Variants in TERF2 observed in about 807,000 individuals in gnomAD.
TERF2 encodes the protein telomeric repeat-binding factor 2.
TERF2 carries 16 observed loss-of-function variants against 56.1 expected under a neutral mutation model. That is an observed-to-expected ratio of 0.29 (90% confidence interval 0.19 to 0.43). TERF2 has a LOEUF of 0.43. Ranked by LOEUF, TERF2 falls within the 20% of genes least tolerant of loss-of-function variation. TERF2 has a pLI of 1.00. For missense variants in TERF2, 547 were observed against 712.9 expected (o/e 0.77, Z 2.65); for synonymous variants, 296 against 282.1 (o/e 1.05, Z -0.50).
chr16:69,380,058 C>T (rs901483316), intron 3 of TERF2, among the ~76,000 whole-genome samples: 1 of 151,924 alleles, frequency 6.6e-6, no homozygotes, highest in Non-Finnish European at 1.5e-5. Context: ...GGATTACAGG[C>T]TCGGGCCACA....
At position 69,367,103 on chromosome 16, in the gene TERF2, T is replaced by C; in HGVS notation, c.1044A>G (p.Ala348=). The C allele has an allele frequency of 6.2e-7, 1 of 1,614,220 alleles. No individual in the cohort carries two copies. Among genetic ancestry groups the C allele is most frequent in the East Asian group, 2.2e-5 (1 of 44,882 alleles). The change falls in exon 7 of 10, where the codon GCA becomes GCG. Residue 348 remains alanine, a synonymous_variant. Transcript: ENST00000254942. The stretch of plus-strand genomic sequence containing the variant: ...GAACCAGATCCTTCTGGTCCAGTTT[T>C]GCAAAGGCTGCCTCAGAATCCTGTG... The part of the protein sequence containing the change: ...SGAQDSEAAF[A]KLDQKDLVLP...
intron 3 of TERF2, among the ~76,000 whole-genome samples, chr16:69,377,030 A>G (rs983663615): frequency 6.6e-6 from 1 of 151,582 alleles, no homozygotes; most frequent in Non-Finnish European, 1.5e-5. Context: ...GTGAAACCCT[A>G]TCTCTACTAA....
At chr16:69,373,855 T>C (rs1379100678) in intron 3 of TERF2, among the ~76,000 whole-genome samples, 1 of 151,860 alleles carries the variant, frequency 6.6e-6, no homozygotes, top group Non-Finnish European at 1.5e-5. Flanking sequence ...AAAAGGAAAA[T>C]TGGTTCACAG....
At position 69,367,745 on chromosome 16, in the gene TERF2, T is replaced by C. The variant is rs891937993; in HGVS notation, c.948-546A>G. ...TGCAGGCCAAATCCATCTGGCAGCC[T>C]GTCTTGTTGTCTAACCAACATGAAA... is the stretch of plus-strand genomic sequence containing the variant. On this transcript the variant is annotated intron_variant, in intron 6 of 9. Coordinates refer to ENST00000254942, the MANE Select transcript of TERF2 (RefSeq NM_005652.5). 4.6e-5 allele frequency among the ~76,000 whole-genome samples: 7 copies of C among 152,340 alleles called. No individual in the cohort carries two copies. In the East Asian group the frequency reaches 1.3e-3, roughly 29 times the overall value.
chr16:69,366,625 G>T, intron 7 of TERF2, 182 bp downstream of exon 7: 1 of 756,068 alleles, frequency 1.3e-6, no homozygotes, highest in Non-Finnish European at 2.0e-6. Context: ...CACATGCGGG[G>T]CTTCAGAACC....
intron 8 of TERF2, 50 bp downstream of exon 8, chr16:69,361,354 C>A: frequency 7.6e-7 from 1 of 1,313,318 alleles, no homozygotes; most frequent in Non-Finnish European, 1.1e-6. Context: ...TAACACGCAT[C>A]TGTACTTCAG....
intron 3 of TERF2, among the ~76,000 whole-genome samples, chr16:69,381,005 A>G (rs1259518510): frequency 6.6e-6 from 1 of 151,848 alleles, no homozygotes; most frequent in East Asian, 1.9e-4. Flanking sequence ...AGGTTTCACT[A>G]TGTTGGCCAG....
chr16:69,364,231 C>G (rs752864350), intron 7 of TERF2, among the ~76,000 whole-genome samples: 3 of 152,132 alleles, frequency 2.0e-5, no homozygotes, highest in Non-Finnish European at 2.9e-5. Flanking sequence ...GTGACACTGC[C>G]AACCCTGCCT....
chr16:69,381,341 A>G (rs1288309801), intron 3 of TERF2, among the ~76,000 whole-genome samples: 1 of 152,168 alleles, frequency 6.6e-6, no homozygotes, highest in Non-Finnish European at 1.5e-5. Flanking sequence ...GTAATTTGTC[A>G]GTTGTTCTTC....
chr16:69,374,628 A>T (rs11267856), intron 3 of TERF2, among the ~76,000 whole-genome samples: 5 of 2,778 alleles, frequency 1.8e-3, no homozygotes, highest in Middle Eastern at 0.025. Flanking sequence ...CTCTCTCTTT[A>T]AAAAAAAAAA....
chr16:69,379,514 C>CA (rs2013916601), intron 3 of TERF2, among the ~76,000 whole-genome samples: 1 of 152,152 alleles, frequency 6.6e-6, no homozygotes, highest in South Asian at 2.1e-4. Flanking sequence ...GAGGAGAAAA[C>CA]AAATATAGTC....
intron 3 of TERF2, among the ~76,000 whole-genome samples, chr16:69,380,535 G>A (rs935666408): frequency 1.3e-5 from 2 of 151,318 alleles, no homozygotes; most frequent in Admixed American, 1.3e-4. Flanking sequence ...GTGGGCGCCT[G>A]TAATAACAGC....
intron 5 of TERF2, chr16:69,368,726 C>T (rs2013447199): frequency 3.4e-6 from 3 of 881,614 alleles, no homozygotes; most frequent in Non-Finnish European, 1.6e-6. Context: ...GCCCAGGCTG[C>T]AGCACAGTGG....
intron 8 of TERF2, among the ~76,000 whole-genome samples, chr16:69,357,811 C>T (rs9925619): frequency 1.6e-4 from 24 of 151,002 alleles, no homozygotes; most frequent in Non-Finnish European, 3.1e-4. Context: ...GCTAGTGATG[C>T]GTTTCAAGCT....
chr16:69,379,305 T>A (rs1477838766), intron 3 of TERF2, among the ~76,000 whole-genome samples: 7 of 152,202 alleles, frequency 4.6e-5, no homozygotes, highest in Non-Finnish European at 1.0e-4. Flanking sequence ...AATGTAAAGT[T>A]CTAACAGAGT....
chr16:69,372,389 T>A (rs1567450776), intron 3 of TERF2, 34 bp from the exon 4 acceptor site: 5 of 1,381,374 alleles, frequency 3.6e-6, no homozygotes, highest in Middle Eastern at 2.2e-4. Context: ...TTTTTACTTT[T>A]GTAATGACAG....
Position 69,361,607 on chromosome 16 carries a change from C to T in TERF2, c.1341-118G>A, listed in dbSNP as rs1176707722. On this transcript the variant is annotated intron_variant, in intron 7 of 9. Transcript: ENST00000254942. The stretch of plus-strand genomic sequence containing the variant: ...CTTCCTGTCCCGTTGTGACCACAAT[C>T]GAGGTTCGCCTGCATGCACCTCCCA... 7 of 742,004 alleles carry T rather than the reference C, an allele frequency of 9.4e-6. No individual in the cohort carries two copies. The South Asian group carries it at 9.5e-5, about 10-fold the overall frequency. The allele number at this position is 742,004 out of a possible 1,614,324, so 46.0% of individuals were successfully genotyped here.
At chr16:69,377,064 G>A (rs969928888) in intron 3 of TERF2, among the ~76,000 whole-genome samples, 1 of 151,104 alleles carries the variant, frequency 6.6e-6, no homozygotes, top group Admixed American at 6.6e-5. Context: ...TTAGCCAGGT[G>A]CGGTGGCACA....
chr16:69,369,093 CCT>C (rs1359844742), intron 5 of TERF2, among the ~76,000 whole-genome samples: 1 of 151,890 alleles, frequency 6.6e-6, no homozygotes, highest in Non-Finnish European at 1.5e-5. Flanking sequence ...CACAAAGAGC[CCT>C]GAGTAGGCTA....
Sources: gnomAD v4.1 joint callset for allele counts (sites outside exome capture counted in the v4.1 genomes callset) on GRCh38, gnomAD v4.1.1 for gene constraint, MANE v1.5 for transcripts, NCBI Gene and HGNC (gene_info 2026-07-23, HGNC 2026-07-21) for gene names.